The following ADGRG1 variants were observed in gnomAD, a reference collection of about 807,000 sequenced individuals.
ADGRG1 encodes the protein 7-transmembrane protein with no EGF-like N-terminal domains-1.
Under a neutral mutation model 73.5 loss-of-function variants are expected in ADGRG1, and 53 were observed. That is an observed-to-expected ratio of 0.72 (90% CI 0.58 to 0.91). The LOEUF (loss-of-function observed/expected upper bound fraction) is 0.91, where lower values mean the gene tolerates loss of function less well. Ranked by LOEUF, ADGRG1 falls within the 40% of genes least tolerant of loss-of-function variation. The probability of loss-of-function intolerance (pLI) is 0.00; values close to 1 mark genes in which losing one functional copy is unlikely to be tolerated. For missense variants in ADGRG1, 795 were observed against 871.8 expected (o/e 0.91, Z 1.11); for synonymous variants, 394 against 374.4 (o/e 1.05, Z -0.60).
At chr16:57,661,997 A>C (rs1209285881) in intron 13 of ADGRG1, 32 bp downstream of exon 13, 1 of 1,565,722 alleles carries the variant, frequency 6.4e-7, no homozygotes, top group Non-Finnish European at 8.8e-7. Flanking sequence ...TGGCCCAGGC[A>C]GGGTGTCTAC....
intron 1 of ADGRG1, among the ~76,000 whole-genome samples, chr16:57,629,767 G>A (rs1264731502): frequency 2.0e-5 from 3 of 152,158 alleles, no homozygotes; most frequent in African/African-American, 7.2e-5. Context: ...CATCTGCCTG[G>A]CACTGATAGG....
At chr16:57,642,064 A>C (rs964504823) in intron 1 of ADGRG1, 5 of 985,112 alleles carry the variant, frequency 5.1e-6, no homozygotes, top group Non-Finnish European at 6.0e-6. Context: ...CAATTCCAAA[A>C]TTCTAAGAGA....
chr16:57,642,100 T>C (rs2040992034), intron 1 of ADGRG1: 1 of 985,296 alleles, frequency 1.0e-6, no homozygotes, highest in Admixed American at 6.1e-5. Context: ...CCTAAAACTC[T>C]TGCATCTTCA....
At chr16:57,653,530 C>A (rs1329939795) in intron 4 of ADGRG1, 195 bp downstream of exon 4, 2 of 985,366 alleles carry the variant, frequency 2.0e-6, no homozygotes, top group African/African-American at 3.5e-5. Flanking sequence ...GAGTCAGTAA[C>A]CAACATCACA....
chr16:57,662,412 T>TG (rs71383257), intron 13 of ADGRG1, among the ~76,000 whole-genome samples: 5 of 151,564 alleles, frequency 3.3e-5, no homozygotes, highest in African/African-American at 7.3e-5. Flanking sequence ...CATGGAGAGA[T>TG]GGGGGGGCCT....
chr16:57,648,747 G>A, intron 1 of ADGRG1: 1 of 980,466 alleles, frequency 1.0e-6, no homozygotes, highest in Non-Finnish European at 1.2e-6. Context: ...CACGCAGGAT[G>A]AGGTTCTGTC....
At chr16:57,660,208 A>T (rs1018898530) in intron 11 of ADGRG1, 1 of 981,020 alleles carries the variant, frequency 1.0e-6, no homozygotes, top group East Asian at 1.1e-4. Flanking sequence ...GACATTGCAC[A>T]GACCCCTCAA....
chr16:57,647,295 A>T, intron 1 of ADGRG1: 2 of 985,368 alleles, frequency 2.0e-6, no homozygotes, highest in Non-Finnish European at 2.4e-6. Flanking sequence ...CCGGAAAGGA[A>T]GCTTCATGCT....
At chr16:57,662,086 TA>T (rs1432981289) in intron 13 of ADGRG1, 121 bp downstream of exon 13, 3 of 827,396 alleles carry the variant, frequency 3.6e-6, no homozygotes, top group Non-Finnish European at 6.3e-6. Flanking sequence ...ATCCCATTCA[TA>T]AAATGGGGAC....
At chr16:57,625,871 C>T (rs1204750615), upstream of ADGRG1, among the ~76,000 whole-genome samples, 1 of 152,210 alleles carries the variant, frequency 6.6e-6, no homozygotes, top group Non-Finnish European at 1.5e-5. Context: ...TACCTCTCCA[C>T]CTCAGCCAAT....
At position 57,665,207 on chromosome 16, in the gene ADGRG1, G is replaced by A. The variant is rs2048008737; in HGVS notation, c.*1625G>A. The A allele has an allele frequency of 6.6e-6, 1 of 152,214 alleles. No individual in the cohort carries two copies. The highest frequency in any genetic ancestry group is 1.5e-5 in the Non-Finnish European group (1 of 68,060). 9.4% of individuals were successfully genotyped at this position (152,214 alleles called of 1,614,324 possible). ...TGGAAACCTCATCAACCAGGGCACAGGGGAAGATAAATGGCAACTTGGTGT... is the reference window on the plus strand; with the variant it reads ...TGGAAACCTCATCAACCAGGGCACAAGGGAAGATAAATGGCAACTTGGTGT... On this transcript the variant is annotated 3_prime_UTR_variant, in exon 14 of 14. Coordinates refer to ENST00000562631, the MANE Select transcript of ADGRG1 (RefSeq NM_201525.4).
At chr16:57,635,918 G>A in intron 1 of ADGRG1, 2 of 985,366 alleles carry the variant, frequency 2.0e-6, no homozygotes, top group Non-Finnish European at 1.2e-6. Context: ...GGGAGGCCAA[G>A]TGCATATCCT....
intron 3 of ADGRG1, 104 bp from the exon 4 acceptor site, chr16:57,653,099 G>GA: frequency 3.1e-6 from 5 of 1,590,826 alleles, no homozygotes; most frequent in Non-Finnish European, 4.3e-6. Flanking sequence ...GTAAAGTAAA[G>GA]ATCGAGGCAT....
At chr16:57,643,607 CCCTGGGCAGTGAGTGGGCCAGG>C in intron 1 of ADGRG1, 1 of 984,816 alleles carries the variant, frequency 1.0e-6, no homozygotes, top group Non-Finnish European at 1.2e-6. Context: ...GTGAGGCTCA[CCCTGGGCAGTGAGTGGGCCAGG>C]CCTGGGCACC....
chr16:57,653,349 C>T lies in ADGRG1; in HGVS notation c.620+14C>T. The T allele has an allele frequency of 6.2e-7, 1 of 1,606,514 alleles. No homozygotes were observed. The highest frequency in any genetic ancestry group is 8.5e-7 in the Non-Finnish European group (1 of 1,179,904). ...CCCCGCCAGCCAGTAAGTTTGGCAC[C>T]TGGGGCTGTGAGGGGAGGCAGGAAG... On this transcript the variant is annotated intron_variant, in intron 4 of 13. Transcript: ENST00000562631.
chr16:57,625,109 C>T (rs1247347619), upstream of ADGRG1, among the ~76,000 whole-genome samples: 3 of 152,008 alleles, frequency 2.0e-5, no homozygotes, highest in Admixed American at 6.5e-5. Context: ...TCCCTCAAAA[C>T]GAAGGGTTTC....
intron 1 of ADGRG1, chr16:57,648,752 T>A (rs1485573790): frequency 1.0e-6 from 1 of 972,804 alleles, no homozygotes; most frequent in African/African-American, 1.8e-5. Context: ...AGGATGAGGT[T>A]CTGTCTGTGT....
Position 57,655,921 on chromosome 16 carries a change from G to A in ADGRG1, c.946G>A (p.Val316Met), listed in dbSNP as rs1196267265. 3.1e-6 allele frequency: 5 copies of A among 1,614,202 alleles called. No homozygotes were observed. The highest frequency in any genetic ancestry group is 1.7e-5 in the Admixed American group (1 of 60,028). ...QVLGEKVLGI[V>M]VQNTKVANLT... ...CCTGGGTGAGAAGGTCTTGGGGATT[G>A]TGGTACAGAACACCAAAGTAGCCAA... Residue 316 changes from valine to methionine, a missense_variant, in exon 7 of 14, where the codon GTG becomes ATG. Coordinates refer to ENST00000562631, the MANE Select transcript of ADGRG1 (RefSeq NM_201525.4).
intron 1 of ADGRG1, among the ~76,000 whole-genome samples, chr16:57,629,655 G>A (rs746459776): frequency 3.3e-5 from 5 of 152,196 alleles, no homozygotes; most frequent in Non-Finnish European, 5.9e-5. Flanking sequence ...GTCTCTGAAC[G>A]TGGGCCACGT....
Sources: gnomAD v4.1 joint callset for allele counts (sites outside exome capture counted in the v4.1 genomes callset) on GRCh38, gnomAD v4.1.1 for gene constraint, MANE v1.5 for transcripts, NCBI Gene and HGNC (gene_info 2026-07-23, HGNC 2026-07-21) for gene names.